EEIG2: variants seen among roughly 807,000 people sequenced by gnomAD.
EEIG2 encodes the protein family with sequence similarity 102 member B.
At chr1:108,588,565 A>G in the EEIG2 span, among the ~76,000 whole-genome samples, 1 of 152,154 alleles carries the variant, frequency 6.6e-6, no homozygotes, top group African/African-American at 2.4e-5. Flanking sequence ...AAGAGATGTC[A>G]TAATTTATGA....
chr1:108,569,782 C>T, the EEIG2 span, among the ~76,000 whole-genome samples: 1 of 152,054 alleles, frequency 6.6e-6, no homozygotes, highest in Non-Finnish European at 1.5e-5. Context: ...CTTTGATATC[C>T]TCTCCTTCAC....
At chr1:108,580,729 A>T in the EEIG2 span, among the ~76,000 whole-genome samples, 1 of 152,184 alleles carries the variant, frequency 6.6e-6, no homozygotes, top group East Asian at 1.9e-4. Context: ...TATGAAGTCT[A>T]AGAGGTGAGG....
the EEIG2 span, chr1:108,612,116 A>T: frequency 8.6e-7 from 1 of 1,156,088 alleles, no homozygotes; most frequent in Non-Finnish European, 1.2e-6. Context: ...TATTTATTTT[A>T]AGGAGCATAT....
chr1:108,616,237 C>G, the EEIG2 span: 1 of 623,390 alleles, frequency 1.6e-6, no homozygotes, highest in East Asian at 3.1e-5. Flanking sequence ...TCAAACAATC[C>G]TCCTGCCTTA....
At chr1:108,608,628 A>G in the EEIG2 span, among the ~76,000 whole-genome samples, 4 of 152,214 alleles carry the variant, frequency 2.6e-5, no homozygotes, top group African/African-American at 9.6e-5. Context: ...AGTGTCTGCA[A>G]CTGAGCCTGT....
At chr1:108,595,530 GAAAAAAAT>G in the EEIG2 span, among the ~76,000 whole-genome samples, 1 of 119,902 alleles carries the variant, frequency 8.3e-6, no homozygotes, top group Non-Finnish European at 1.7e-5. Flanking sequence ...AGGGAGGGAG[GAAAAAAAT>G]GTAGCTTTTA....
the EEIG2 span, among the ~76,000 whole-genome samples, chr1:108,587,875 A>G: frequency 5.8e-4 from 89 of 152,200 alleles, no homozygotes; most frequent in Non-Finnish European, 1.1e-3. Flanking sequence ...AGGTGATGCT[A>G]TGTAGAATTT....
the EEIG2 span, chr1:108,560,589 C>T: frequency 2.5e-6 from 4 of 1,603,964 alleles, no homozygotes; most frequent in Admixed American, 1.7e-5. Context: ...CGCGCCGCCT[C>T]GCCCCTTTCT....
At chr1:108,604,989 G>A in the EEIG2 span, among the ~76,000 whole-genome samples, 2 of 152,032 alleles carry the variant, frequency 1.3e-5, no homozygotes, top group African/African-American at 4.8e-5. Flanking sequence ...GTTTCAGTGA[G>A]CTGTGGTCAT....
At chr1:108,601,015 A>G in the EEIG2 span, among the ~76,000 whole-genome samples, 1 of 152,048 alleles carries the variant, frequency 6.6e-6, no homozygotes, top group African/African-American at 2.4e-5. Context: ...TGGGAACTTT[A>G]TGTGTAATAT....
chr1:108,625,774 C>CTCTCTCTG, the EEIG2 span: 4 of 23,220 alleles, frequency 1.7e-4, no homozygotes, highest in African/African-American at 2.6e-4. Flanking sequence ...CTCTCTCTCT[C>CTCTCTCTG]TGTGTGTGTG....
At chr1:108,628,004 TAC>T in the EEIG2 span, 1 of 602,774 alleles carries the variant, frequency 1.7e-6, no homozygotes, top group African/African-American at 1.9e-5. Context: ...TATCTTGCAA[TAC>T]AGTTACTTCC....
At chr1:108,571,958 T>A in the EEIG2 span, among the ~76,000 whole-genome samples, 7 of 152,134 alleles carry the variant, frequency 4.6e-5, no homozygotes, top group Admixed American at 1.3e-4. Flanking sequence ...TCTATACAAT[T>A]CTGATACAAA....
At chr1:108,628,821 T>G in the EEIG2 span, 4 of 1,602,888 alleles carry the variant, frequency 2.5e-6, no homozygotes, top group Non-Finnish European at 3.4e-6. Flanking sequence ...AGGTAACTGT[T>G]AAGCATAGAT....
At chr1:108,568,990 C>T in the EEIG2 span, among the ~76,000 whole-genome samples, 1 of 152,172 alleles carries the variant, frequency 6.6e-6, no homozygotes, top group Non-Finnish European at 1.5e-5. Flanking sequence ...TAATTAGCCT[C>T]TGTCATACCA....
chr1:108,579,972 C>T, the EEIG2 span, among the ~76,000 whole-genome samples: 10 of 151,980 alleles, frequency 6.6e-5, no homozygotes, highest in Admixed American at 3.9e-4. Context: ...GCTATGTTGC[C>T]TGGGCTGGTC....
chr1:108,628,227 C>T, the EEIG2 span: 1 of 1,614,172 alleles, frequency 6.2e-7, no homozygotes, highest in Non-Finnish European at 8.5e-7. Context: ...CATTCTAGAA[C>T]ATCAAGCTAT....
At chr1:108,585,574 T>C in the EEIG2 span, among the ~76,000 whole-genome samples, 1 of 152,148 alleles carries the variant, frequency 6.6e-6, no homozygotes, top group African/African-American at 2.4e-5. Context: ...ACTACAGTCC[T>C]TTTATATACA....
At chr1:108,571,262 G>A in the EEIG2 span, among the ~76,000 whole-genome samples, 2 of 152,102 alleles carry the variant, frequency 1.3e-5, no homozygotes, top group African/African-American at 2.4e-5. Flanking sequence ...TGAGAGTGCC[G>A]GCACTGCCTC....
Sources: gnomAD v4.1 joint callset for allele counts (sites outside exome capture counted in the v4.1 genomes callset) on GRCh38, gnomAD v4.1.1 for gene constraint, MANE v1.5 for transcripts, NCBI Gene and HGNC (gene_info 2026-07-23, HGNC 2026-07-21) for gene names.